The following ANXA6 variants were observed in gnomAD, a reference collection of about 807,000 sequenced individuals.
ANXA6 encodes annexin A6.
ANXA6 carries 71 observed loss-of-function variants against 95.4 expected under a neutral mutation model. That is an observed-to-expected ratio of 0.74 (90% CI 0.61 to 0.91). The LOEUF (loss-of-function observed/expected upper bound fraction) is 0.91. Among genes scored for constraint, ANXA6 ranks in the 40% least tolerant of loss-of-function variants. The probability of loss-of-function intolerance (pLI) is 0.00; values close to 1 mark genes in which losing one functional copy is unlikely to be tolerated. For synonymous variants in ANXA6, 289 were observed against 315.9 expected, an observed-to-expected ratio of 0.91 and a Z score of 0.90; for missense variants, 830 against 876.4, an observed-to-expected ratio of 0.95 and a Z score of 0.67.
intron 19 of ANXA6, among the ~76,000 whole-genome samples, 172 bp from the exon 20 acceptor site, chr5:151,117,352 T>C (rs1195595556): frequency 2.6e-5 from 4 of 152,240 alleles, no homozygotes; most frequent in Non-Finnish European, 5.9e-5. Flanking sequence ...TAACTGAGAA[T>C]GTGTGCAAGA....
chr5:151,126,322 G>A, intron 14 of ANXA6, 80 bp downstream of exon 14: 1 of 1,281,698 alleles, frequency 7.8e-7, no homozygotes, highest in Non-Finnish European at 1.1e-6. Context: ...GGGGCAGCTG[G>A]GTGCCAACCA....
At chr5:151,150,161 A>G (rs938179932) in intron 1 of ANXA6, among the ~76,000 whole-genome samples, 2 of 151,976 alleles carry the variant, frequency 1.3e-5, no homozygotes, top group African/African-American at 4.8e-5. Context: ...AATCAGATTT[A>G]CCCAGTAAGA....
chr5:151,110,932 C>A lies in ANXA6; in HGVS notation c.1573-288G>T, dbSNP rs1764831292. Among the ~76,000 whole-genome samples the A allele has an allele frequency of 2.0e-5, 3 of 152,266 alleles. No homozygotes were observed. The South Asian group carries it at 6.2e-4, about 32-fold the overall frequency. ...AAGAGAAAGACACAGAAATGGGGAA[C>A]TCTGCCCTTCGCACCCCAAAACCCA... is the stretch of plus-strand genomic sequence containing the variant. On this transcript the variant is annotated intron_variant, in intron 20 of 25. Coordinates refer to ENST00000354546, the MANE Select transcript of ANXA6 (RefSeq NM_001155.5).
rs368344684 is a variant in ANXA6, at chr5:151,108,518, C to T, written c.1717G>A (p.Asp573Asn). ...FQEFIKMTNY[D>N]VEHTIKKEMS... The stretch of plus-strand genomic sequence containing the variant: ...TCCTTCTTGATGGTGTGCTCCACGT[C>T]ATAGTTGGTCATCTTGATGAACTCC... The change falls in exon 23 of 26, where the codon GAC becomes AAC. Residue 573 changes from aspartate to asparagine, a missense_variant. By Grantham distance (23) the Asp-to-Asn change is conservative. Transcript: ENST00000354546. 247 of 1,613,862 alleles carry T rather than the reference C, an allele frequency of 1.5e-4. 1 individual carries two copies. The highest frequency in any genetic ancestry group is 2.3e-4 in the South Asian group (21 of 91,090).
intron 1 of ANXA6, chr5:151,155,763 C>G (rs1187250903): frequency 6.6e-6 from 1 of 152,226 alleles, no homozygotes; most frequent in African/African-American, 2.4e-5. Flanking sequence ...AGTGGGGTGT[C>G]CTGGGTATAT....
Position 151,119,344 on chromosome 5 carries a change from C to T in ANXA6, c.1394G>A (p.Arg465Gln), listed in dbSNP as rs747392200. ...GATGGCCCGGATTTCAGCATTGGTC[C>T]GAGTGGCCAGGATTTCAATAAGAGC... ...EKALIEILAT[R>Q]TNAEIRAINE... The change falls in exon 18 of 26, where the codon CGG (arginine) becomes CAG (glutamine). Residue 465 changes from arginine to glutamine, a missense_variant. Arg to Gln is a conservative substitution (Grantham distance 43). Coordinates refer to ENST00000354546, the MANE Select transcript of ANXA6 (RefSeq NM_001155.5). 19 of 1,613,540 alleles carry T rather than the reference C, an allele frequency of 1.2e-5. No homozygotes were observed. Among genetic ancestry groups the T allele is most frequent in the Admixed American group, 1.7e-5 (1 of 59,996 alleles).
chr5:151,139,285 C>G, intron 4 of ANXA6, 68 bp downstream of exon 4: 4 of 1,174,048 alleles, frequency 3.4e-6, no homozygotes, highest in Non-Finnish European at 4.9e-6. Flanking sequence ...ATAACCTGAA[C>G]GAGCACACAG....
intron 25 of ANXA6, 45 bp from the exon 26 acceptor site, chr5:151,101,552 T>C: frequency 6.6e-7 from 1 of 1,507,222 alleles, no homozygotes; most frequent in Non-Finnish European, 9.0e-7. Context: ...GTCCTTCCAG[T>C]CTCAATGCCC....
intron 13 of ANXA6, among the ~76,000 whole-genome samples, 159 bp downstream of exon 13, chr5:151,128,022 C>T (rs1032868222): frequency 2.6e-5 from 4 of 152,146 alleles, no homozygotes; most frequent in African/African-American, 7.2e-5. Context: ...CCCACAAGCA[C>T]AGCAGCTACC....
At chr5:151,135,262 T>G (rs898875872) in intron 7 of ANXA6, among the ~76,000 whole-genome samples, 19 of 152,196 alleles carry the variant, frequency 1.2e-4, no homozygotes, top group Non-Finnish European at 1.5e-5. Flanking sequence ...GCCGCGCTGC[T>G]GCTTGGTGTC....
chr5:151,130,149 T>C (rs541599643), intron 11 of ANXA6, among the ~76,000 whole-genome samples: 7 of 152,328 alleles, frequency 4.6e-5, no homozygotes, highest in African/African-American at 1.7e-4. Flanking sequence ...TGCATTTAGG[T>C]TTTTGCTGTA....
In ANXA6 at chr5:151,136,285, A is replaced by T; in HGVS notation, c.460T>A (p.Phe154Ile). The T allele has an allele frequency of 6.2e-7, 1 of 1,613,998 alleles. No individual in the cohort carries two copies. The highest frequency in any genetic ancestry group is 8.5e-7 in the Non-Finnish European group (1 of 1,179,886). ...AGCAGGACCACAAGCATCTTCTGGAAGTGGCCAGAGGTGTCGCCGATGATG... is the reference window on the plus strand; with the variant it reads ...AGCAGGACCACAAGCATCTTCTGGATGTGGCCAGAGGTGTCGCCGATGATG... The part of the protein sequence containing the change: ...ADIIGDTSGH[F>I]QKMLVVLLQG... The change falls in exon 7 of 26, where the codon TTC becomes ATC. Residue 154 changes from phenylalanine (F) to isoleucine (I), a missense_variant. Phe to Ile is a conservative substitution (Grantham distance 21). Coordinates refer to ENST00000354546, the MANE Select transcript of ANXA6 (RefSeq NM_001155.5).
At chr5:151,144,681 T>A (rs561158721) in intron 2 of ANXA6, among the ~76,000 whole-genome samples, 7 of 152,236 alleles carry the variant, frequency 4.6e-5, no homozygotes, top group Non-Finnish European at 1.0e-4. Flanking sequence ...TGAAGTGCCA[T>A]GCTGGGGGAA....
intron 12 of ANXA6, among the ~76,000 whole-genome samples, chr5:151,129,070 C>T (rs1056351856): frequency 8.5e-5 from 13 of 152,228 alleles, no homozygotes; most frequent in Admixed American, 1.3e-4. Flanking sequence ...CCCTTTAACC[C>T]TCATTTGTGT....
intron 20 of ANXA6, 87 bp from the exon 21 acceptor site, chr5:151,110,731 G>A (rs1764826441): frequency 2.0e-6 from 3 of 1,466,820 alleles, no homozygotes; most frequent in Admixed American, 3.5e-5. Context: ...GCCCTGGGGT[G>A]CAGGGTGAGG....
rs1176063801 is a variant in ANXA6, at chr5:151,131,296, A to G, written c.737-7T>C. The G allele has an allele frequency of 1.9e-6, 3 of 1,613,902 alleles. No individual in the cohort carries two copies. Among genetic ancestry groups the G allele is most frequent in the Non-Finnish European group, 2.5e-6 (3 of 1,179,802 alleles). On this transcript the variant is annotated splice_polypyrimidine_tract_variant and splice_region_variant and intron_variant, in intron 10 of 25. Transcript: ENST00000354546. Reference sequence around the variant, plus strand: ...GTGCTCCGGATACACTTCACTGTGAAGAGGGAGGAAGAGGTAGAGTTATTC... The same window carrying G: ...GTGCTCCGGATACACTTCACTGTGAGGAGGGAGGAAGAGGTAGAGTTATTC...
At chr5:151,150,462 T>C (rs1766080219) in intron 1 of ANXA6, among the ~76,000 whole-genome samples, 1 of 152,220 alleles carries the variant, frequency 6.6e-6, no homozygotes, top group African/African-American at 2.4e-5. Flanking sequence ...TTTACTGTGC[T>C]GGTGGGAAGT....
Position 151,105,301 on chromosome 5 carries a change from G to A in ANXA6, c.1783C>T (p.Gln595Ter). The A allele has an allele frequency of 6.2e-7, 1 of 1,613,892 alleles. No homozygotes were observed. Among genetic ancestry groups the A allele is most frequent in the Non-Finnish European group, 8.5e-7 (1 of 1,179,796 alleles). The part of the protein sequence containing the change: ...DVRDAFVAIV[Q>*]SVKNKPLFFA... The stretch of plus-strand genomic sequence containing the variant: ...AAGAGAGGCTTGTTCTTGACACTTT[G>A]AACTGGTAGGAAGAGCAGAGAGATG... The change falls in exon 24 of 26, where the codon CAA becomes TAA. Residue 595 changes from glutamine to a stop codon, truncating the protein, a stop_gained and splice_region_variant. Transcript: ENST00000354546. LOFTEE classifies it high-confidence loss of function.
At chr5:151,145,392 T>A (rs1308308730) in intron 2 of ANXA6, among the ~76,000 whole-genome samples, 1 of 152,236 alleles carries the variant, frequency 6.6e-6, no homozygotes, top group Non-Finnish European at 1.5e-5. Context: ...GGTGTTTTTA[T>A]GTTCATTATT....
Sources: allele counts gnomAD v4.1 joint callset (sites outside exome capture counted in the v4.1 genomes callset), GRCh38; gene constraint gnomAD v4.1.1; transcripts MANE v1.5; gene names NCBI Gene and HGNC (gene_info 2026-07-23, HGNC 2026-07-21).